The following ZNF385C variants were observed in gnomAD, a reference collection of about 807,000 sequenced individuals.
ZNF385C encodes the protein zinc finger protein 385C, also known as CTD-2132N18.2.
A neutral mutation model predicts 35.4 loss-of-function variants in ZNF385C; 28 were observed. The ratio of observed to expected loss-of-function variants is 0.79; its 90% CI spans 0.59 to 1.08. The LOEUF is 1.08. Ranked by LOEUF, ZNF385C falls within the 50% of genes least tolerant of loss-of-function variation. The pLI, the probability that ZNF385C is intolerant of heterozygous loss-of-function variation, is 0.00. For synonymous variants in ZNF385C, 248 were observed against 248.2 expected, an observed-to-expected ratio of 1.00 and a Z score of 0.01; for missense variants, 605 against 595.6, an observed-to-expected ratio of 1.02 and a Z score of -0.16.
intron 2 of ZNF385C, among the ~76,000 whole-genome samples, chr17:42,057,995 G>A (rs1331813865): frequency 1.3e-5 from 2 of 152,046 alleles, no homozygotes; most frequent in African/African-American, 4.8e-5. Flanking sequence ...CAGATGGGGG[G>A]TGGGCAGGGT....
intron 8 of ZNF385C, 118 bp downstream of exon 8, chr17:42,027,499 GC>G (rs1380812964): frequency 1.2e-6 from 1 of 858,364 alleles, no homozygotes; most frequent in South Asian, 1.9e-5. Context: ...TCACTGCCCA[GC>G]AGCCTCATTG....
rs1555655211 is a variant in ZNF385C at position 42,034,377 on chromosome 17, T to A, written c.400-42A>T. ...AGGGCATAATAACTCTGGGGTTGGC[T>A]TGGGAAGCAGGGGTCGGGGGCAGCA... On this transcript the variant is annotated intron_variant, in intron 3 of 8. Transcript: ENST00000692273. 4.7e-6 allele frequency: 7 copies of A among 1,490,068 alleles called. No individual in the cohort carries two copies. The Admixed American group carries it at 1.4e-4, about 30-fold the overall frequency. The allele number at this position is 1,490,068 out of a possible 1,614,324, so 92.3% of individuals were successfully genotyped here.
intron 1 of ZNF385C, among the ~76,000 whole-genome samples, chr17:42,066,734 G>T (rs548884332): frequency 6.6e-6 from 1 of 152,252 alleles, no homozygotes; most frequent in South Asian, 2.1e-4. Context: ...CTGGTATAGG[G>T]TGGGCCCGTA....
chr17:42,089,019 T>C (rs1465605642), intron 1 of ZNF385C, among the ~76,000 whole-genome samples: 1 of 152,070 alleles, frequency 6.6e-6, no homozygotes, highest in African/African-American at 2.4e-5. Flanking sequence ...ACCACCTGGA[T>C]TGGCAGAACA....
chr17:42,093,581 A>AT lies in ZNF385C; in HGVS notation c.-3+4828dup, dbSNP rs201404789. On this transcript the variant is annotated intron_variant, in intron 1 of 8. Coordinates refer to ENST00000692273, the MANE Select transcript of ZNF385C (RefSeq NM_001392013.1). ...TTTTTTTTACTTTTTATTTTATTTT[A>AT]TTTATTTTTTTTTTTTTGAGAGAGG... Among the ~76,000 whole-genome samples, 551 of 138,894 alleles carry AT rather than the reference A, an allele frequency of 4.0e-3. 8 individuals carry two copies. Among genetic ancestry groups the AT allele is most frequent in the African/African-American group, 0.016 (530 of 32,230 alleles). The allele number at this position is 138,894 out of a possible 152,430, so 91.1% of individuals were successfully genotyped here.
chr17:42,067,478 A>G (rs899407716), intron 1 of ZNF385C, among the ~76,000 whole-genome samples: 3 of 152,004 alleles, frequency 2.0e-5, no homozygotes, highest in Admixed American at 2.0e-4. Flanking sequence ...TGGCGCAGCA[A>G]ACATCCAGTG....
At chr17:42,053,589 C>T (rs895848378) in intron 2 of ZNF385C, among the ~76,000 whole-genome samples, 16 of 152,188 alleles carry the variant, frequency 1.1e-4, no homozygotes, top group Admixed American at 4.6e-4. Flanking sequence ...CCCTGTTTCC[C>T]GCAGGGTGGA....
Position 42,076,968 on chromosome 17 carries a change from GA to G in ZNF385C, c.-2-13911del, listed in dbSNP as rs544321191. Reference sequence around the variant, plus strand: ...CTTAAATATTGCCCTCCCCACTCCAGAAAATGACGCTTAGTCTAAATAAAGC... The same window carrying G: ...CTTAAATATTGCCCTCCCCACTCCAGAAATGACGCTTAGTCTAAATAAAGC... On this transcript the variant is annotated intron_variant, in intron 1 of 8. Coordinates refer to ENST00000692273, the MANE Select transcript of ZNF385C (RefSeq NM_001392013.1). Among the ~76,000 whole-genome samples the G allele has an allele frequency of 2.1e-3, 318 of 152,250 alleles. 2 individuals carry two copies. Among genetic ancestry groups the G allele is most frequent in the African/African-American group, 7.5e-3 (311 of 41,542 alleles).
At chr17:42,069,482 C>A (rs1555658634) in intron 1 of ZNF385C, among the ~76,000 whole-genome samples, 2 of 152,152 alleles carry the variant, frequency 1.3e-5, no homozygotes, top group Non-Finnish European at 1.5e-5. Flanking sequence ...TCTGCTGCAG[C>A]CTGGGAAAGG....
intron 2 of ZNF385C, chr17:42,040,523 G>A (rs1349872650): frequency 8.1e-7 from 1 of 1,232,704 alleles, no homozygotes; most frequent in Admixed American, 4.2e-5. Context: ...GCATCCAGCA[G>A]CAGGTGGGTG....
chr17:42,060,213 C>T (rs2053440486), intron 2 of ZNF385C, among the ~76,000 whole-genome samples: 1 of 152,190 alleles, frequency 6.6e-6, no homozygotes, highest in African/African-American at 2.4e-5. Flanking sequence ...ACCCCCCACA[C>T]ACCCCACATC....
intron 1 of ZNF385C, among the ~76,000 whole-genome samples, chr17:42,072,601 C>T (rs1253536200): frequency 6.6e-6 from 1 of 152,020 alleles, no homozygotes; most frequent in Non-Finnish European, 1.5e-5. Context: ...CGTCCAGCCG[C>T]TCGCGGCCAC....
intron 4 of ZNF385C, among the ~76,000 whole-genome samples, chr17:42,032,496 G>GT: frequency 6.6e-6 from 1 of 152,220 alleles, no homozygotes; most frequent in Non-Finnish European, 1.5e-5. Flanking sequence ...AGTACATAGA[G>GT]TAGGTGCTCA....
At chr17:42,079,775 A>T (rs1470104927) in intron 1 of ZNF385C, among the ~76,000 whole-genome samples, 1 of 152,144 alleles carries the variant, frequency 6.6e-6, no homozygotes, top group East Asian at 1.9e-4. Context: ...TGGTGATAAG[A>T]CCATAGAAAG....
At chr17:42,046,288 T>C (rs1182364160) in intron 2 of ZNF385C, among the ~76,000 whole-genome samples, 6 of 152,074 alleles carry the variant, frequency 3.9e-5, no homozygotes, top group East Asian at 1.9e-4. Context: ...TCAGTAAAAG[T>C]TGGTTGTTTA....
chr17:42,052,303 C>T (rs1372489395), intron 2 of ZNF385C, among the ~76,000 whole-genome samples: 1 of 152,166 alleles, frequency 6.6e-6, no homozygotes, highest in Admixed American at 6.5e-5. Context: ...AAAACCACAT[C>T]CTGCTATTTT....
rs551588214 is a variant in ZNF385C at position 42,047,418 on chromosome 17, G to A, written c.251-9533C>T. Among the ~76,000 whole-genome samples, 70 of 152,084 alleles carry A rather than the reference G, an allele frequency of 4.6e-4. 1 individual carries two copies. The South Asian group carries it at 0.014, about 30-fold the overall frequency. On this transcript the variant is annotated intron_variant, in intron 2 of 8. Coordinates refer to ENST00000692273, the MANE Select transcript of ZNF385C (RefSeq NM_001392013.1). ...TCGAACTCCCGACCTCAGATGATCC[G>A]CCCATCTCAGCCTCCCAAAGTGCTG...
At chr17:42,091,177 C>T (rs2053861000) in intron 1 of ZNF385C, among the ~76,000 whole-genome samples, 1 of 152,134 alleles carries the variant, frequency 6.6e-6, no homozygotes, top group Admixed American at 6.5e-5. Flanking sequence ...AGGCATGAGC[C>T]TGTAATCCTA....
At chr17:42,061,828 C>A (rs138067371) in intron 2 of ZNF385C, 615 of 153,014 alleles carry the variant, frequency 4.0e-3, no homozygotes, top group Non-Finnish European at 6.4e-3. Flanking sequence ...CAACCACAAC[C>A]CTTATCCCTT....
Sources: allele counts gnomAD v4.1 joint callset (sites outside exome capture counted in the v4.1 genomes callset), GRCh38; gene constraint gnomAD v4.1.1; transcripts MANE v1.5; gene names NCBI Gene and HGNC (gene_info 2026-07-23, HGNC 2026-07-21).